CYP27C1: variants seen among roughly 807,000 people sequenced by gnomAD.
The protein encoded by CYP27C1 is cytochrome P450 27C1.
In CYP27C1, 29 loss-of-function variants were observed where a neutral mutation model predicts 40.6. That is an observed-to-expected ratio of 0.71 (90% CI 0.53 to 0.97). The LOEUF is 0.97. CYP27C1 is among the 50% of genes least tolerant of loss of function. CYP27C1 has a pLI of 0.00. For missense variants in CYP27C1, 390 were observed against 485.8 expected, an observed-to-expected ratio of 0.80 and a Z score of 1.85; for synonymous variants, 198 against 186.8, an observed-to-expected ratio of 1.06 and a Z score of -0.49.
At position 127,201,006 on chromosome 2, in the gene CYP27C1, C is replaced by T. The variant is rs1683019380; in HGVS notation, c.883+116G>A. On this transcript the variant is annotated intron_variant, in intron 4 of 8. Coordinates refer to ENST00000664447, the MANE Select transcript of CYP27C1 (RefSeq NM_001367502.1). This position sits in a 1 kb window ranked among gnomAD's most constrained non-coding sequence, Gnocchi z 6.0. ...AAAGTTATGGGTCCAAAAACTAACA[C>T]GTGACTACATCTAGGCATCCTCTGC... 9 of 1,044,340 alleles carry T rather than the reference C, an allele frequency of 8.6e-6. No homozygotes were observed. Among genetic ancestry groups the T allele is most frequent in the Middle Eastern group, 3.2e-4 (1 of 3,086 alleles). The allele number at this position is 1,044,340 out of a possible 1,614,324, so 64.7% of individuals were successfully genotyped here.
rs567527240 is a variant in CYP27C1 at position 127,186,138 on chromosome 2, C to T, written c.*1133G>A. On this transcript the variant is annotated 3_prime_UTR_variant, in exon 9 of 9. Coordinates refer to ENST00000664447, the MANE Select transcript of CYP27C1 (RefSeq NM_001367502.1). This position sits in a 1 kb window ranked among gnomAD's most constrained non-coding sequence, Gnocchi z 4.5. The stretch of plus-strand genomic sequence containing the variant: ...TTATTACTTCTCACAACTTAGGCAA[C>T]AAAATTTTACGTCATCATATTTCCA... 1 of 152,158 alleles carries T rather than the reference C, an allele frequency of 6.6e-6. No homozygotes were observed. The highest frequency in any genetic ancestry group is 2.4e-5 in the African/African-American group (1 of 41,456). The allele number at this position is 152,158 out of a possible 1,614,324, so 9.4% of individuals were successfully genotyped here.
chr2:127,214,314 C>A (rs1051404442), intron 1 of CYP27C1, among the ~76,000 whole-genome samples: 1 of 152,116 alleles, frequency 6.6e-6, no homozygotes, highest in Non-Finnish European at 1.5e-5. Context: ...CAATCCCATT[C>A]CTGGGTATAT....
Position 127,218,945 on chromosome 2 carries a change from T to C in CYP27C1, c.282+1044A>G, listed in dbSNP as rs992297660. On this transcript the variant is annotated intron_variant, in intron 1 of 8. Transcript: ENST00000664447. This position sits in a 1 kb window ranked among gnomAD's most constrained non-coding sequence, Gnocchi z 6.0. ...GGCGTGGGAAGGACAGCACTCAGGC[T>C]CCAAGTGGGAAGCGTGCGGAATTCG... Among the ~76,000 whole-genome samples the C allele has an allele frequency of 3.3e-5, 5 of 152,070 alleles. No homozygotes were observed. Among genetic ancestry groups the C allele is most frequent in the Non-Finnish European group, 5.9e-5 (4 of 67,966 alleles).
rs571094660 is a variant in CYP27C1, at chr2:127,193,842, C to T, written c.1240G>A (p.Gly414Ser). 2 of 1,614,170 alleles carry T rather than the reference C, an allele frequency of 1.2e-6. No homozygotes were observed. The highest frequency in any genetic ancestry group is 8.5e-7 in the Non-Finnish European group (1 of 1,180,044). The change falls in exon 7 of 9, where the codon GGC (glycine) becomes AGC (serine). Residue 414 changes from glycine (G) to serine (S), a missense_variant. Physicochemically the swap from Gly to Ser is moderately conservative, Grantham distance 56. Coordinates refer to ENST00000664447, the MANE Select transcript of CYP27C1 (RefSeq NM_001367502.1). The part of the protein sequence containing the change: ...LRLFPVLPGN[G>S]RVTQEDLVIG... ...ACCAGGTCTTCCTGGGTGACCCGGC[C>T]GTTCCCTGGCAGCACTGGAAACAGC...
intron 2 of CYP27C1, among the ~76,000 whole-genome samples, chr2:127,203,928 G>A (rs1268238477): frequency 6.6e-6 from 1 of 151,556 alleles, no homozygotes; most frequent in African/African-American, 2.4e-5. Flanking sequence ...ATATATATAT[G>A]CATACATATG....
chr2:127,215,941 A>G (rs1469782863), intron 1 of CYP27C1, among the ~76,000 whole-genome samples: 1 of 152,214 alleles, frequency 6.6e-6, no homozygotes, highest in Non-Finnish European at 1.5e-5. Flanking sequence ...TACAAATGGT[A>G]AATAAGCACA....
At position 127,184,716 on chromosome 2, in the gene CYP27C1, CTCT is replaced by C. The variant is rs1682579431; in HGVS notation, c.*2552_*2554del. ...CATGAGCCACCTCGCCTGGCCCCTC[CTCT>C]TGTTTTTTGCCTGTCACGTATTTGT... On this transcript the variant is annotated 3_prime_UTR_variant, in exon 9 of 9. Coordinates refer to ENST00000664447, the MANE Select transcript of CYP27C1 (RefSeq NM_001367502.1). The C allele has an allele frequency of 1.3e-5, 2 of 152,432 alleles. No individual in the cohort carries two copies. Among genetic ancestry groups the C allele is most frequent in the South Asian group, 2.1e-4 (1 of 4,810 alleles). 9.4% of individuals were successfully genotyped at this position (152,432 alleles called of 1,614,324 possible).
chr2:127,190,382 A>G (rs183407524), intron 8 of CYP27C1, among the ~76,000 whole-genome samples: 16,168 of 117,764 alleles, frequency 0.14, 1,058 homozygotes, highest in Middle Eastern at 0.23. Context: ...TTACTCTGTC[A>G]CCCAGGCTGG....
In CYP27C1 at chr2:127,186,218, T is replaced by C. The variant is rs2104667923; in HGVS notation, c.*1053A>G. 6.6e-6 allele frequency: 1 copy of C among 151,948 alleles called. No homozygotes were observed. The highest frequency in any genetic ancestry group is 2.4e-5 in the African/African-American group (1 of 41,558). 9.4% of individuals were successfully genotyped at this position (151,948 alleles called of 1,614,324 possible). A position where few individuals can be genotyped will look rare whatever the true frequency, so the allele number is the denominator to read the frequency against. The stretch of plus-strand genomic sequence containing the variant: ...TAGATTTGGTTAGAAAATCTGATTA[T>C]TCTTGATTTCACCAGGAGCTTTCTT... On this transcript the variant is annotated 3_prime_UTR_variant, in exon 9 of 9. Transcript: ENST00000664447. This position sits in a 1 kb window ranked among gnomAD's most constrained non-coding sequence, Gnocchi z 4.5.
rs1352829708 is a variant in CYP27C1 at position 127,201,343 on chromosome 2, A to G, written c.674-12T>C. 1 of 1,607,614 alleles carries G rather than the reference A, an allele frequency of 6.2e-7. No homozygotes were observed. The highest frequency in any genetic ancestry group is 2.2e-5 in the East Asian group (1 of 44,748). On this transcript the variant is annotated splice_polypyrimidine_tract_variant and intron_variant, in intron 3 of 8. Transcript: ENST00000664447. This position sits in a 1 kb window ranked among gnomAD's most constrained non-coding sequence, Gnocchi z 6.0. ...GATGGTGGCCACTCCTAGACAGGAA[A>G]GAGAATTTGAAAACCCTCTTCTAGA...
Position 127,201,469 on chromosome 2 carries a change from T to C in CYP27C1, c.674-138A>G. 1 of 786,466 alleles carries C rather than the reference T, an allele frequency of 1.3e-6. No homozygotes were observed. Among genetic ancestry groups the C allele is most frequent in the Non-Finnish European group, 2.0e-6 (1 of 498,122 alleles). The allele number at this position is 786,466 out of a possible 1,614,324, so 48.7% of individuals were successfully genotyped here. ...GAGGCATCGTCCCTCTGAGGATTTC[T>C]CTGCATCCTGAACTGCAGGGTGCTG... On this transcript the variant is annotated intron_variant, in intron 3 of 8. Transcript: ENST00000664447. The surrounding 1 kb of genome is among the most constrained non-coding windows in gnomAD (Gnocchi z 6.0).
chr2:127,199,323 T>C, intron 5 of CYP27C1, 53 bp downstream of exon 5: 4 of 1,588,886 alleles, frequency 2.5e-6, no homozygotes, highest in Non-Finnish European at 3.4e-6. Context: ...CATGAGGTGA[T>C]GAGGAAGGGG....
intron 7 of CYP27C1, 102 bp from the exon 8 acceptor site, chr2:127,193,399 G>A (rs1256320519): frequency 1.0e-5 from 14 of 1,390,770 alleles, no homozygotes; most frequent in Admixed American, 3.8e-5. Context: ...GGGTGCTCCC[G>A]CCTGGGGGCC....
In CYP27C1 at chr2:127,195,367, C is replaced by A; in HGVS notation, c.1182G>T (p.Pro394=). The A allele has an allele frequency of 6.2e-7, 1 of 1,614,122 alleles. No homozygotes were observed. The highest frequency in any genetic ancestry group is 8.5e-7 in the Non-Finnish European group (1 of 1,180,020). ...TTTCCTTAAGGAGAGCTCTGACCAGCGGGACCTTGGGGACATCAGCTGCAG... is the reference window on the plus strand; with the variant it reads ...TTTCCTTAAGGAGAGCTCTGACCAGAGGGACCTTGGGGACATCAGCTGCAG... ...VPTAADVPKV[P]LVRALLKETL... Residue 394 remains proline, a synonymous_variant, in exon 6 of 9, where the codon CCG becomes CCT. Coordinates refer to ENST00000664447, the MANE Select transcript of CYP27C1 (RefSeq NM_001367502.1). This position sits in a 1 kb window ranked among gnomAD's most constrained non-coding sequence, Gnocchi z 6.2.
At chr2:127,198,467 T>C (rs1387863356) in intron 5 of CYP27C1, among the ~76,000 whole-genome samples, 3 of 152,220 alleles carry the variant, frequency 2.0e-5, no homozygotes, top group African/African-American at 7.2e-5. Flanking sequence ...ATTTGTAAAC[T>C]TTAAACATTT....
At chr2:127,194,849 T>C (rs1273796915) in intron 6 of CYP27C1, among the ~76,000 whole-genome samples, 2 of 151,524 alleles carry the variant, frequency 1.3e-5, no homozygotes, top group African/African-American at 4.8e-5. Context: ...TTTCTTTTTT[T>C]TTTTTTTTTG....
In CYP27C1 at chr2:127,204,561, GAAAGAAAGAA is replaced by G. The variant is rs1558931409; in HGVS notation, c.474-1000_474-991del. The stretch of plus-strand genomic sequence containing the variant: ...AGAGAGAGAGAGAGAGAGAGAGAAA[GAAAGAAAGAA>G]AGAAAGAAAGAAAGAAAGAAAGAAA... On this transcript the variant is annotated intron_variant, in intron 2 of 8. Coordinates refer to ENST00000664447, the MANE Select transcript of CYP27C1 (RefSeq NM_001367502.1). Among the ~76,000 whole-genome samples the G allele has an allele frequency of 5.1e-3, 288 of 55,994 alleles. 3 individuals are homozygous for G. Among genetic ancestry groups the G allele is most frequent in the South Asian group, 0.014 (29 of 2,078 alleles). 36.7% of individuals were successfully genotyped at this position (55,994 alleles called of 152,430 possible).
rs1256278552 is a variant in CYP27C1, at chr2:127,200,127, G to A, written c.884-588C>T. Among the ~76,000 whole-genome samples the A allele has an allele frequency of 2.0e-5, 3 of 152,118 alleles. No individual in the cohort carries two copies. Among genetic ancestry groups the A allele is most frequent in the East Asian group, 1.9e-4 (1 of 5,190 alleles). On this transcript the variant is annotated intron_variant, in intron 4 of 8. Transcript: ENST00000664447. The surrounding 1 kb of genome is among the most constrained non-coding windows in gnomAD (Gnocchi z 4.2). ...CCCAAGTAGCTGGAATTACAGGCAC[G>A]CGCCACCACGCCCAGCTAATTTTTG...
intron 1 of CYP27C1, among the ~76,000 whole-genome samples, chr2:127,210,687 T>TA (rs1683318161): frequency 1.5e-5 from 2 of 135,710 alleles, no homozygotes; most frequent in African/African-American, 2.7e-5. Flanking sequence ...AAGTGAAAAG[T>TA]GAAAAAAAAA....
Sources: gnomAD v4.1 joint callset for allele counts (sites outside exome capture counted in the v4.1 genomes callset) on GRCh38, gnomAD v4.1.1 for gene constraint, Gnocchi (gnomAD v3.1) non-coding constraint, MANE v1.5 for transcripts, NCBI Gene and HGNC (gene_info 2026-07-23, HGNC 2026-07-21) for gene names.